PARP14: variants seen among roughly 807,000 people sequenced by gnomAD.
PARP14 encodes the protein protein mono-ADP-ribosyltransferase PARP14.
In PARP14, 59 loss-of-function variants were observed where a neutral mutation model predicts 154.2. That is an observed-to-expected ratio of 0.38 (90% CI 0.31 to 0.48). The LOEUF (loss-of-function observed/expected upper bound fraction) is 0.48. PARP14 is among the 20% of genes least tolerant of loss of function. The pLI, the probability that PARP14 is intolerant of heterozygous loss-of-function variation, is 0.98. For missense variants in PARP14, 1,734 were observed against 2,131.6 expected, an observed-to-expected ratio of 0.81 and a Z score of 3.67; for synonymous variants, 720 against 780.5, an observed-to-expected ratio of 0.92 and a Z score of 1.29.
rs1933346119 is a variant in PARP14, at chr3:122,728,600, C to G, written c.*3C>G. On this transcript the variant is annotated 3_prime_UTR_variant, in exon 17 of 17. Transcript: ENST00000474629. ...ACCTTATTACGTTTAGAAAATAACA[C>G]TTTGGTATCCTTCCCACAAAATTAT... 6.3e-7 allele frequency: 1 copy of G among 1,599,298 alleles called. No individual in the cohort carries two copies. Among genetic ancestry groups the G allele is most frequent in the Non-Finnish European group, 8.6e-7 (1 of 1,168,860 alleles).
intron 5 of PARP14, among the ~76,000 whole-genome samples, chr3:122,698,526 G>A (rs1938852085): frequency 6.6e-6 from 1 of 152,160 alleles, no homozygotes; most frequent in South Asian, 2.1e-4. Context: ...ATGATAACTT[G>A]GATTTGGTAG....
At chr3:122,683,009 C>T (rs1425506418) in intron 1 of PARP14, among the ~76,000 whole-genome samples, 4 of 152,078 alleles carry the variant, frequency 2.6e-5, no homozygotes, top group African/African-American at 4.8e-5. Context: ...GAGGTGAGAT[C>T]GCACCACTGC....
At chr3:122,717,595 A>G (rs1414817621) in intron 12 of PARP14, among the ~76,000 whole-genome samples, 1 of 152,256 alleles carries the variant, frequency 6.6e-6, no homozygotes, top group Non-Finnish European at 1.5e-5. Flanking sequence ...TCCCAGAGAT[A>G]TCTGGGAGAA....
At chr3:122,702,454 G>A (rs1264169877) in intron 6 of PARP14, among the ~76,000 whole-genome samples, 6 of 152,058 alleles carry the variant, frequency 3.9e-5, no homozygotes, top group East Asian at 1.9e-4. Context: ...TCCTGACCTC[G>A]GGTGATCCGC....
intron 12 of PARP14, among the ~76,000 whole-genome samples, chr3:122,714,879 T>C (rs769113479): frequency 2.6e-5 from 4 of 152,194 alleles, no homozygotes; most frequent in Non-Finnish European, 4.4e-5. Context: ...AGAGGAATAT[T>C]ACCAGGCTTC....
intron 11 of PARP14, 110 bp from the exon 12 acceptor site, chr3:122,714,152 T>C: frequency 3.1e-6 from 2 of 649,860 alleles, no homozygotes; most frequent in Non-Finnish European, 4.6e-6. Flanking sequence ...ATTTCAGGAG[T>C]TTTTTTTTTT....
At chr3:122,712,198 C>T (rs1939342144) in intron 9 of PARP14, among the ~76,000 whole-genome samples, 1 of 151,716 alleles carries the variant, frequency 6.6e-6, no homozygotes, top group Non-Finnish European at 1.5e-5. Context: ...ATAGTAGATG[C>T]TTTAAAGTCT....
intron 3 of PARP14, among the ~76,000 whole-genome samples, chr3:122,689,050 C>G (rs909125333): frequency 6.6e-6 from 1 of 152,184 alleles, no homozygotes; most frequent in East Asian, 1.9e-4. Flanking sequence ...CAGAGAAATA[C>G]TGCTTACCTG....
intron 8 of PARP14, 134 bp downstream of exon 8, chr3:122,704,882 A>T: frequency 1.6e-6 from 1 of 608,332 alleles, no homozygotes. Context: ...TTATACTTGT[A>T]GTTGTAGTTG....
intron 3 of PARP14, among the ~76,000 whole-genome samples, chr3:122,691,066 A>G (rs1938525603): frequency 6.6e-6 from 1 of 152,176 alleles, no homozygotes; most frequent in African/African-American, 2.4e-5. Flanking sequence ...CAGGGACACT[A>G]CTGTTGAAAC....
At chr3:122,684,866 TA>T (rs1938320737) in intron 1 of PARP14, among the ~76,000 whole-genome samples, 1 of 152,220 alleles carries the variant, frequency 6.6e-6, no homozygotes, top group Non-Finnish European at 1.5e-5. Context: ...CCAAGTTCTT[TA>T]TAATGTTTCT....
rs992248609 is a variant in PARP14, at chr3:122,718,216, C to A, written c.4146C>A (p.Asn1382Lys). 1 of 1,613,610 alleles carries A rather than the reference C, an allele frequency of 6.2e-7. No homozygotes were observed. Among genetic ancestry groups the A allele is most frequent in the East Asian group, 2.2e-5 (1 of 44,876 alleles). Residue 1382 changes from asparagine to lysine, a missense_variant, in exon 13 of 17, where the codon AAC becomes AAA. Around this residue, in one of 2 missense-constraint regions of PARP14, gnomAD observed 1,646 missense variants for 1,976.0 expected, o/e 0.83. Coordinates refer to ENST00000474629, the MANE Select transcript of PARP14 (RefSeq NM_017554.3). The stretch of plus-strand genomic sequence containing the variant: ...AAGTACTGGATGTGTTTTATGCCAA[C>A]ATGAAGAAAAGAGAAGGGACTCAGC... Reference protein sequence around the residue: ...LPQVLDVFYANMKKREGTQLS... With the variant: ...LPQVLDVFYAKMKKREGTQLS...
chr3:122,696,678 G>A (rs1004393265), intron 5 of PARP14, among the ~76,000 whole-genome samples: 2 of 152,062 alleles, frequency 1.3e-5, no homozygotes, highest in African/African-American at 4.8e-5. Flanking sequence ...ACATCTTTAG[G>A]GCATGGGGCT....
intron 12 of PARP14, among the ~76,000 whole-genome samples, chr3:122,717,033 G>A (rs1308941483): frequency 6.6e-6 from 1 of 152,128 alleles, no homozygotes; most frequent in Non-Finnish European, 1.5e-5. Flanking sequence ...AAATACCATG[G>A]GAAAATTACA....
chr3:122,721,095 G>C (rs912637371), intron 15 of PARP14: 3 of 335,600 alleles, frequency 8.9e-6, no homozygotes, highest in African/African-American at 4.4e-5. Context: ...CAGGCACGCT[G>C]TTTCTCTTCC....
At chr3:122,694,645 G>A (rs1240121622) in intron 4 of PARP14, among the ~76,000 whole-genome samples, 2 of 152,076 alleles carry the variant, frequency 1.3e-5, no homozygotes, top group Admixed American at 1.3e-4. Context: ...TCAACTTCCT[G>A]AGTAGCTGGG....
intron 15 of PARP14, 128 bp downstream of exon 15, chr3:122,720,516 ATTAG>A (rs1933138102): frequency 1.4e-5 from 12 of 841,236 alleles, no homozygotes; most frequent in Non-Finnish European, 2.2e-5. Flanking sequence ...TTGTATGGTA[ATTAG>A]TAGTTCTAGA....
Position 122,703,736 on chromosome 3 carries a change from T to A in PARP14, c.3082-6T>A. 1.3e-6 allele frequency: 2 copies of A among 1,568,154 alleles called. No individual in the cohort carries two copies. Among genetic ancestry groups the A allele is most frequent in the Non-Finnish European group, 1.7e-6 (2 of 1,155,458 alleles). On this transcript the variant is annotated splice_region_variant and splice_polypyrimidine_tract_variant and intron_variant, in intron 6 of 16. Transcript: ENST00000474629. ...TTTGAAACAAATTTTTGGTTTTGTC[T>A]TTAAGACCGATGTTGTTGTCAACTC...
At chr3:122,695,086 G>A (rs1435283241) in intron 4 of PARP14, among the ~76,000 whole-genome samples, 1 of 152,208 alleles carries the variant, frequency 6.6e-6, no homozygotes, top group African/African-American at 2.4e-5. Context: ...GAGTGTCAAC[G>A]CTCATACCTG....
Sources: allele counts gnomAD v4.1 joint callset (sites outside exome capture counted in the v4.1 genomes callset), GRCh38; gene constraint gnomAD v4.1.1; regional missense constraint gnomAD v4.1.1; transcripts MANE v1.5; gene names NCBI Gene and HGNC (gene_info 2026-07-23, HGNC 2026-07-21).